Variants in XNDC1N observed in about 807,000 individuals in gnomAD.
XNDC1N encodes protein XNDC1N.
the XNDC1N span, chr11:71,878,494 G>A: frequency 1.2e-6 from 2 of 1,611,512 alleles, no homozygotes; most frequent in South Asian, 1.1e-5. Context: ...TTTCCTTGAT[G>A]TCCACAGTTC....
the XNDC1N span, among the ~76,000 whole-genome samples, chr11:71,915,860 G>C: frequency 6.6e-6 from 1 of 152,124 alleles, no homozygotes; most frequent in Non-Finnish European, 1.5e-5. Flanking sequence ...TGTATCCAAG[G>C]CTCACTCACT....
chr11:71,889,702 C>G, the XNDC1N span, among the ~76,000 whole-genome samples: 2 of 152,080 alleles, frequency 1.3e-5, no homozygotes, highest in African/African-American at 2.4e-5. Flanking sequence ...TGTTACCTGC[C>G]GACAGCATGA....
At chr11:71,868,743 G>C in the XNDC1N span, among the ~76,000 whole-genome samples, 3 of 152,096 alleles carry the variant, frequency 2.0e-5, no homozygotes, top group African/African-American at 7.2e-5. Flanking sequence ...TGGAGAATCT[G>C]ATGACATATG....
the XNDC1N span, among the ~76,000 whole-genome samples, chr11:71,912,546 T>C: frequency 6.6e-6 from 1 of 152,132 alleles, no homozygotes; most frequent in African/African-American, 2.4e-5. Context: ...TACTTTGACA[T>C]TGGGAGTAAC....
chr11:71,892,682 ATT>A, the XNDC1N span, among the ~76,000 whole-genome samples: 3 of 147,538 alleles, frequency 2.0e-5, no homozygotes, highest in African/African-American at 7.6e-5. Context: ...TGCCCGGCTA[ATT>A]TTTTTTTTTA....
chr11:71,916,589 A>G, the XNDC1N span: 12 of 240,520 alleles, frequency 5.0e-5, no homozygotes, highest in South Asian at 8.9e-4. Flanking sequence ...GACCCAGTGG[A>G]TTACCTGAGA....
the XNDC1N span, among the ~76,000 whole-genome samples, chr11:71,919,411 CAG>C: frequency 1.4e-5 from 2 of 141,886 alleles, no homozygotes; most frequent in Admixed American, 1.4e-4. Flanking sequence ...TTTTTTGAGA[CAG>C]AGTCTTGCTC....
At chr11:71,899,714 T>C in the XNDC1N span, among the ~76,000 whole-genome samples, 9 of 152,312 alleles carry the variant, frequency 5.9e-5, 1 homozygote, top group African/African-American at 2.2e-4. Context: ...GAAAGCGGCA[T>C]ATTGTCCAAG....
the XNDC1N span, among the ~76,000 whole-genome samples, chr11:71,880,322 ACT>A: frequency 6.6e-6 from 1 of 152,020 alleles, no homozygotes; most frequent in African/African-American, 2.4e-5. Context: ...TTTATAACAG[ACT>A]CTAATGATCC....
At chr11:71,898,359 C>G in the XNDC1N span, among the ~76,000 whole-genome samples, 1 of 152,122 alleles carries the variant, frequency 6.6e-6, no homozygotes. Flanking sequence ...GTAACCCCAG[C>G]ACTTTGGGAG....
chr11:71,882,175 A>G, the XNDC1N span, among the ~76,000 whole-genome samples: 1 of 152,036 alleles, frequency 6.6e-6, no homozygotes, highest in South Asian at 2.1e-4. Flanking sequence ...CTTAAACCAC[A>G]TAAGCAAAAA....
At chr11:71,916,384 G>A in the XNDC1N span, 2 of 614,084 alleles carry the variant, frequency 3.3e-6, no homozygotes, top group Admixed American at 2.7e-5. Flanking sequence ...GAGGTCTTCA[G>A]TAAATGTCCC....
chr11:71,910,504 C>T, the XNDC1N span, among the ~76,000 whole-genome samples: 2 of 152,084 alleles, frequency 1.3e-5, no homozygotes, highest in African/African-American at 2.4e-5. Context: ...CAGAAGTTTC[C>T]CAGGAGAGAC....
the XNDC1N span, among the ~76,000 whole-genome samples, chr11:71,899,863 G>A: frequency 6.6e-6 from 1 of 152,200 alleles, no homozygotes; most frequent in Non-Finnish European, 1.5e-5. Flanking sequence ...TGAGAGAGAG[G>A]AAGGCCCCTG....
chr11:71,876,848 T>A, the XNDC1N span, among the ~76,000 whole-genome samples: 2 of 152,370 alleles, frequency 1.3e-5, no homozygotes, highest in South Asian at 4.1e-4. Context: ...TCAGAGATGC[T>A]AATGATCCTA....
At chr11:71,868,762 A>G in the XNDC1N span, among the ~76,000 whole-genome samples, 1 of 151,732 alleles carries the variant, frequency 6.6e-6, no homozygotes, top group Non-Finnish European at 1.5e-5. Context: ...TGTCTAGGGG[A>G]TGGTTGTCTT....
At chr11:71,904,935 C>T in the XNDC1N span, among the ~76,000 whole-genome samples, 1 of 151,974 alleles carries the variant, frequency 6.6e-6, no homozygotes, top group African/African-American at 2.4e-5. Context: ...CGAATAATAT[C>T]ACAGGGAGTA....
At chr11:71,866,952 A>G in the XNDC1N span, among the ~76,000 whole-genome samples, 2 of 152,190 alleles carry the variant, frequency 1.3e-5, no homozygotes, top group Non-Finnish European at 2.9e-5. Context: ...GTCCAAGTAA[A>G]ATGGATTTTA....
At chr11:71,891,082 G>A in the XNDC1N span, among the ~76,000 whole-genome samples, 6,788 of 151,994 alleles carry the variant, frequency 0.045, 523 homozygotes, top group African/African-American at 0.16. Flanking sequence ...GATATTCAAC[G>A]TAACCTTATC....
Sources: allele counts gnomAD v4.1 joint callset (sites outside exome capture counted in the v4.1 genomes callset), GRCh38; gene constraint gnomAD v4.1.1; transcripts MANE v1.5; gene names NCBI Gene and HGNC (gene_info 2026-07-23, HGNC 2026-07-21).